COL6A3: variants seen among roughly 807,000 people sequenced by gnomAD.
COL6A3 encodes the protein collagen alpha-3(VI) chain.
Under a neutral mutation model 274.1 loss-of-function variants are expected in COL6A3, and 137 were observed. That is an observed-to-expected ratio of 0.50 (90% CI 0.44 to 0.58). COL6A3 has a LOEUF of 0.58. Among genes scored for constraint, COL6A3 ranks in the 20% least tolerant of loss-of-function variants. The pLI is 0.00. For missense variants in COL6A3, 3,950 were observed against 4,124.9 expected, an observed-to-expected ratio of 0.96 and a Z score of 1.16; for synonymous variants, 1,650 against 1,650.6, an observed-to-expected ratio of 1.00 and a Z score of 0.01.
At position 237,379,095 on chromosome 2, in the gene COL6A3, A is replaced by C; in HGVS notation, c.2038T>G (p.Leu680Val). 6.2e-7 allele frequency: 1 copy of C among 1,614,238 alleles called. No homozygotes were observed. Residue 680 changes from leucine (L) to valine (V), a missense_variant, in exon 6 of 44, where the codon TTA becomes GTA. Leu to Val is a conservative substitution (Grantham distance 32). Transcript: ENST00000295550. ...DIGNDNIRVGLVQFSDTPVTE... is the reference protein window; with the variant it reads ...DIGNDNIRVGVVQFSDTPVTE... ...ACAGGAGTGTCACTAAATTGCACTAAACCAACACGAATATTGTCATTTCCA... is the reference window on the plus strand; with the variant it reads ...ACAGGAGTGTCACTAAATTGCACTACACCAACACGAATATTGTCATTTCCA...
intron 1 of COL6A3, among the ~76,000 whole-genome samples, chr2:237,399,120 TAAG>T (rs1361293639): frequency 6.6e-6 from 1 of 152,122 alleles, no homozygotes; most frequent in Non-Finnish European, 1.5e-5. Context: ...GATGAGAGGA[TAAG>T]AAGAACATTT....
At position 237,340,436 on chromosome 2, in the gene COL6A3, GC is replaced by G. The variant is rs1350342902; in HGVS notation, c.8464+15del. ...AAAGCCAGGCCAGGGCACATGCTGT[GC>G]CACGCAGGACTTACTGCTGACGAAG... On this transcript the variant is annotated intron_variant, in intron 38 of 43. Transcript: ENST00000295550. 1.2e-6 allele frequency: 2 copies of G among 1,608,658 alleles called. No homozygotes were observed. Among genetic ancestry groups the G allele is most frequent in the Admixed American group, 1.7e-5 (1 of 60,012 alleles).
rs201962257 is a variant in COL6A3 at position 237,374,868 on chromosome 2, G to A, written c.3223C>T (p.Arg1075Trp). 3.7e-4 allele frequency: 594 copies of A among 1,613,860 alleles called. No individual in the cohort carries two copies. The highest frequency in any genetic ancestry group is 9.3e-4 in the South Asian group (85 of 91,076). Residue 1075 changes from arginine (R) to tryptophan (W), a missense_variant, in exon 8 of 44, where the codon CGG becomes TGG. Physicochemically the swap from Arg to Trp is moderately radical, Grantham distance 101. Transcript: ENST00000295550. The surrounding 1 kb of genome is among the most constrained non-coding windows in gnomAD (Gnocchi z 4.8). Reference protein sequence around the residue: ...VRVAVVQYSDRTRPEFYLNSY... With the variant: ...VRVAVVQYSDWTRPEFYLNSY... ...TTCAGGTAGAACTCGGGCCTGGTCC[G>A]GTCGCTGTACTGCACCACGGCCACG...
rs746853371 is a variant in COL6A3 at position 237,387,883 on chromosome 2, T to TG, written c.1010dup (p.Gly338ArgfsTer22). The TG allele has an allele frequency of 6.2e-7, 1 of 1,614,110 alleles. No individual in the cohort carries two copies. Among genetic ancestry groups the TG allele is most frequent in the Non-Finnish European group, 8.5e-7 (1 of 1,179,992 alleles). ...CCCCTTCCTCCACGCGGCTGCCCCC[T>TG]GCCCGGGTGAAGTGGTTCTCCACCA... On this transcript the variant is annotated frameshift_variant, in exon 4 of 44. Transcript: ENST00000295550. LOFTEE classifies it high-confidence loss of function.
intron 5 of COL6A3, among the ~76,000 whole-genome samples, 186 bp from the exon 6 acceptor site, chr2:237,379,421 G>A (rs1413796908): frequency 6.6e-6 from 1 of 152,298 alleles, no homozygotes; most frequent in East Asian, 1.9e-4. Context: ...GCTGGTGTTT[G>A]TGAGACATAT....
At chr2:237,334,486 T>G in intron 41 of COL6A3, 140 bp downstream of exon 41, 2 of 910,972 alleles carry the variant, frequency 2.2e-6, no homozygotes, top group Non-Finnish European at 3.4e-6. Context: ...CAGGCTGAGT[T>G]GTTTTGTTGT....
At chr2:237,363,219 C>G in intron 14 of COL6A3, 34 bp downstream of exon 14, 1 of 1,609,840 alleles carries the variant, frequency 6.2e-7, no homozygotes, top group Non-Finnish European at 8.5e-7. Context: ...GGTATCTACA[C>G]TGGTCTGTGT....
chr2:237,378,579 C>A, intron 6 of COL6A3, 57 bp downstream of exon 6: 4 of 1,611,558 alleles, frequency 2.5e-6, no homozygotes, highest in Non-Finnish European at 3.4e-6. Flanking sequence ...GGCAAACTAC[C>A]CTCCAGGGTG....
At chr2:237,360,404 T>C (rs1218560043) in intron 16 of COL6A3, among the ~76,000 whole-genome samples, 1 of 151,996 alleles carries the variant, frequency 6.6e-6, no homozygotes, top group African/African-American at 2.4e-5. Context: ...CAGACAGCAC[T>C]GCCCTGTGGG....
intron 1 of COL6A3, among the ~76,000 whole-genome samples, chr2:237,406,090 G>A (rs562769563): frequency 1.3e-3 from 193 of 152,122 alleles, no homozygotes; most frequent in Non-Finnish European, 2.3e-3. Flanking sequence ...GCCTTTTTCC[G>A]TTTAGTTTCT....
intron 4 of COL6A3, among the ~76,000 whole-genome samples, chr2:237,381,894 C>T (rs1376506149): frequency 6.6e-6 from 1 of 152,134 alleles, no homozygotes; most frequent in East Asian, 1.9e-4. Context: ...CTCAGAGAAC[C>T]CTTTGCCTCA....
chr2:237,368,434 A>G lies in COL6A3; in HGVS notation c.4900+129T>C, dbSNP rs960949935. ...AATGGAACTACTTTTCCAGTATTTA[A>G]TTTCTAATATTATCTGAAGAAACAA... On this transcript the variant is annotated intron_variant, in intron 10 of 43. Coordinates refer to ENST00000295550, the MANE Select transcript of COL6A3 (RefSeq NM_004369.4). This position sits in a 1 kb window ranked among gnomAD's most constrained non-coding sequence, Gnocchi z 4.4. 2.6e-6 allele frequency: 3 copies of G among 1,175,580 alleles called. No individual in the cohort carries two copies. The highest frequency in any genetic ancestry group is 3.5e-6 in the Non-Finnish European group (3 of 847,350). 72.8% of individuals were successfully genotyped at this position (1,175,580 alleles called of 1,614,324 possible).
chr2:237,383,830 G>C (rs570233499), intron 4 of COL6A3, among the ~76,000 whole-genome samples: 1 of 151,938 alleles, frequency 6.6e-6, no homozygotes, highest in African/African-American at 2.4e-5. Context: ...AAGTTCTCCC[G>C]ATGAGCCAGC....
In COL6A3 at chr2:237,402,536, C is replaced by A. The variant is rs191425189; in HGVS notation, c.-30-5689G>T. On this transcript the variant is annotated intron_variant, in intron 1 of 43. Transcript: ENST00000295550. ...TTTGAGGTGTGATAGAGTTTAAGAG[C>A]TACTAGGAAAAAACAGTACAACTAA... Among the ~76,000 whole-genome samples, 20 of 152,154 alleles carry A rather than the reference C, an allele frequency of 1.3e-4. No individual in the cohort carries two copies. The East Asian group carries it at 3.7e-3, about 28-fold the overall frequency.
rs370403457 is a variant in COL6A3, at chr2:237,374,602, A to C, written c.3489T>G (p.Ile1163Met). The change falls in exon 8 of 44, where the codon ATT becomes ATG. Residue 1163 changes from isoleucine to methionine, a missense_variant. By Grantham distance (10) the Ile-to-Met change is conservative (BLOSUM62 1). This residue lies in a region of COL6A3 where 1,934 missense variants were observed against 1,984.3 expected (regional missense o/e 0.97). Coordinates refer to ENST00000295550, the MANE Select transcript of COL6A3 (RefSeq NM_004369.4). This position sits in a 1 kb window ranked among gnomAD's most constrained non-coding sequence, Gnocchi z 4.8. ...TGTCAGCGTTCCCGATGCCAATGCC[A>C]ATGGGCACAGCCCCACCCCTCTTCA... ...VVVKRGGAVP[I>M]GIGIGNADIT... The C allele has an allele frequency of 3.1e-6, 5 of 1,614,192 alleles. No individual in the cohort carries two copies. The highest frequency in any genetic ancestry group is 4.2e-6 in the Non-Finnish European group (5 of 1,180,030).
In COL6A3 at chr2:237,344,769, T is replaced by C; in HGVS notation, c.7249A>G (p.Thr2417Ala). The change falls in exon 36 of 44, where the codon ACT becomes GCT. Residue 2417 changes from threonine (T) to alanine (A), a missense_variant. Physicochemically the swap from Thr to Ala is moderately conservative, Grantham distance 58. Transcript: ENST00000295550. This position sits in a 1 kb window ranked among gnomAD's most constrained non-coding sequence, Gnocchi z 4.8. ...LDTSEGVNQDTFGRMRDVVLS... is the reference protein window; with the variant it reads ...LDTSEGVNQDAFGRMRDVVLS... ...ACCACATCTCGCATCCGGCCGAAAG[T>C]GTCTTGGTTGACTCCCTCAGAGGTG... 6.2e-7 allele frequency: 1 copy of C among 1,603,004 alleles called. No homozygotes were observed. Among genetic ancestry groups the C allele is most frequent in the East Asian group, 2.2e-5 (1 of 44,748 alleles).
At chr2:237,399,256 G>T (rs2106394797) in intron 1 of COL6A3, among the ~76,000 whole-genome samples, 1 of 152,332 alleles carries the variant, frequency 6.6e-6, no homozygotes, top group Admixed American at 6.5e-5. Flanking sequence ...CAAGGTGCTT[G>T]GAATCAGATA....
At position 237,368,686 on chromosome 2, in the gene COL6A3, C is replaced by A. The variant is rs2077611399; in HGVS notation, c.4777G>T (p.Val1593Phe). The A allele has an allele frequency of 6.2e-7, 1 of 1,614,124 alleles. No homozygotes were observed. Among genetic ancestry groups the A allele is most frequent in the Non-Finnish European group, 8.5e-7 (1 of 1,180,030 alleles). Reference protein sequence around the residue: ...LQTITNDPRLVFTVREFRELP... With the variant: ...LQTITNDPRLFFTVREFRELP... The stretch of plus-strand genomic sequence containing the variant: ...TCTCTGAACTCTCGCACTGTGAAGA[C>A]CAGTCTGGGGTCATTGGTGATGGTC... Residue 1593 changes from valine to phenylalanine, a missense_variant, in exon 10 of 44, where the codon GTC (valine) becomes TTC (phenylalanine). Val to Phe is a conservative substitution (Grantham distance 50). Transcript: ENST00000295550. The surrounding 1 kb of genome is among the most constrained non-coding windows in gnomAD (Gnocchi z 4.4).
chr2:237,392,853 T>C (rs1313791003), intron 3 of COL6A3, among the ~76,000 whole-genome samples: 1 of 152,200 alleles, frequency 6.6e-6, no homozygotes, highest in East Asian at 1.9e-4. Flanking sequence ...TGGCTCTCTA[T>C]AGTTCCTACA....
Sources: gnomAD v4.1 joint callset for allele counts (sites outside exome capture counted in the v4.1 genomes callset) on GRCh38, gnomAD v4.1.1 for gene constraint, gnomAD v4.1.1 regional missense constraint, Gnocchi (gnomAD v3.1) non-coding constraint, MANE v1.5 for transcripts, NCBI Gene and HGNC (gene_info 2026-07-23, HGNC 2026-07-21) for gene names.